Variants in UGT1A9 observed in about 807,000 individuals in gnomAD.
UGT1A9 encodes the protein UDP-glucuronosyltransferase 1A9.
Under a neutral mutation model 45.0 loss-of-function variants are expected in UGT1A9, and 35 were observed. The ratio of observed to expected loss-of-function variants is 0.78; its 90% CI spans 0.59 to 1.03. The LOEUF is 1.03. Ranked by LOEUF, UGT1A9 falls within the 50% of genes least tolerant of loss-of-function variation. The pLI is 0.00. For synonymous variants in UGT1A9, 278 were observed against 250.6 expected (o/e 1.11, Z -1.03); for missense variants, 687 against 666.6 (o/e 1.03, Z -0.34).
chr2:233,686,792 A>C (rs1490044288), intron 1 of UGT1A9, among the ~76,000 whole-genome samples: 2 of 149,062 alleles, frequency 1.3e-5, no homozygotes, highest in African/African-American at 5.0e-5. Context: ...TCCTCTTTCC[A>C]CCTCCCCTGT....
At position 233,715,197 on chromosome 2, in the gene UGT1A9, C is replaced by T. The variant is rs534544158; in HGVS notation, c.855+42408C>T. 7.9e-5 allele frequency among the ~76,000 whole-genome samples: 12 copies of T among 152,300 alleles called. No individual in the cohort carries two copies. The South Asian group carries it at 2.5e-3, about 32-fold the overall frequency. ...CACCACACCTAGGCAATTTTTCTAT[C>T]TTTTAAAAGACCCTCTACTGAATCT... is the stretch of plus-strand genomic sequence containing the variant. On this transcript the variant is annotated intron_variant, in intron 1 of 4. Coordinates refer to ENST00000354728, the MANE Select transcript of UGT1A9 (RefSeq NM_021027.3).
At chr2:233,724,339 G>T (rs2077227774) in intron 1 of UGT1A9, among the ~76,000 whole-genome samples, 3 of 142,760 alleles carry the variant, frequency 2.1e-5, no homozygotes, top group Non-Finnish European at 3.1e-5. Context: ...GCGGGGGGCT[G>T]ACCCCCCCCA....
At chr2:233,767,192 A>C (rs752013731) in intron 2 of UGT1A9, 27 bp downstream of exon 2, 1 of 1,613,796 alleles carries the variant, frequency 6.2e-7, no homozygotes, top group African/African-American at 1.3e-5. Context: ...CCATGGCCTC[A>C]TATCTATTTT....
intron 1 of UGT1A9, among the ~76,000 whole-genome samples, chr2:233,766,114 G>A (rs1214540183): frequency 6.6e-6 from 1 of 152,178 alleles, no homozygotes; most frequent in Non-Finnish European, 1.5e-5. Flanking sequence ...CTGGGGGCTT[G>A]CCTTGGTGTA....
At chr2:233,748,984 C>T (rs1315447738) in intron 1 of UGT1A9, among the ~76,000 whole-genome samples, 18 of 151,726 alleles carry the variant, frequency 1.2e-4, no homozygotes, top group Non-Finnish European at 2.1e-4. Context: ...TACTTCTTTA[C>T]CAACAATTTC....
chr2:233,679,549 T>C (rs1217700310), intron 1 of UGT1A9, among the ~76,000 whole-genome samples: 1 of 152,190 alleles, frequency 6.6e-6, no homozygotes, highest in Non-Finnish European at 1.5e-5. Context: ...TGTCATCTTT[T>C]TTTTTGTTTG....
intron 1 of UGT1A9, among the ~76,000 whole-genome samples, chr2:233,680,859 A>G (rs1194206807): frequency 6.6e-6 from 1 of 152,102 alleles, no homozygotes; most frequent in Non-Finnish European, 1.5e-5. Flanking sequence ...ACAGCTCATT[A>G]GAGTGCTTGG....
At chr2:233,690,435 T>C (rs1318096136) in intron 1 of UGT1A9, 15 of 1,270,026 alleles carry the variant, frequency 1.2e-5, no homozygotes, top group Non-Finnish European at 1.5e-5. Context: ...CATCTTTGGG[T>C]CTCTCCTCTA....
chr2:233,708,981 C>T (rs1463866710), intron 1 of UGT1A9, among the ~76,000 whole-genome samples: 1 of 152,110 alleles, frequency 6.6e-6, no homozygotes, highest in African/African-American at 2.4e-5. Context: ...TCTGTTTCCT[C>T]GGCCGTGGCA....
Position 233,772,785 on chromosome 2 carries a change from G to C in UGT1A9, c.*226G>C, listed in dbSNP as rs2126067599. ...GTGCCCCCTCTGGTGTCTTTGATCA[G>C]GATGACATGTGCCATTTTTCAGAGG... is the stretch of plus-strand genomic sequence containing the variant. On this transcript the variant is annotated 3_prime_UTR_variant, in exon 5 of 5. Transcript: ENST00000354728. 1 of 1,262,930 alleles carries C rather than the reference G, an allele frequency of 7.9e-7. No homozygotes were observed. The highest frequency in any genetic ancestry group is 1.0e-6 in the Non-Finnish European group (1 of 955,160). 78.2% of individuals were successfully genotyped at this position (1,262,930 alleles called of 1,614,324 possible).
chr2:233,721,961 A>G (rs2076983118), intron 1 of UGT1A9: 1 of 312,750 alleles, frequency 3.2e-6, no homozygotes, highest in Admixed American at 3.8e-5. Flanking sequence ...TTGTATATGC[A>G]TACATTGATG....
At position 233,772,584 on chromosome 2, in the gene UGT1A9, A is replaced by T; in HGVS notation, c.*25A>T. 6.2e-7 allele frequency: 1 copy of T among 1,604,676 alleles called. No homozygotes were observed. The highest frequency in any genetic ancestry group is 8.5e-7 in the Non-Finnish European group (1 of 1,174,986). On this transcript the variant is annotated 3_prime_UTR_variant, in exon 5 of 5. Transcript: ENST00000354728. ...AGAAGTGGGTGGGAAATAAGGTAAAATTTTGAACCATTCCCTAGTCATTTC... is the reference window on the plus strand; with the variant it reads ...AGAAGTGGGTGGGAAATAAGGTAAATTTTTGAACCATTCCCTAGTCATTTC...
intron 1 of UGT1A9, among the ~76,000 whole-genome samples, chr2:233,688,403 T>C (rs1229313639): frequency 6.6e-6 from 1 of 152,250 alleles, no homozygotes; most frequent in Non-Finnish European, 1.5e-5. Context: ...TGTTCTAATT[T>C]TCGAGCCCAT....
At chr2:233,743,086 T>C (rs926867030) in intron 1 of UGT1A9, 1 of 346,580 alleles carries the variant, frequency 2.9e-6, no homozygotes, top group African/African-American at 2.2e-5. Context: ...GAAGTGTTTA[T>C]AAATTCTTGG....
In UGT1A9 at chr2:233,759,136, T is replaced by C. The variant is rs1257027587; in HGVS notation, c.856-7898T>C. 2.6e-5 allele frequency among the ~76,000 whole-genome samples: 4 copies of C among 152,326 alleles called. No individual in the cohort carries two copies. In the East Asian group the frequency reaches 7.7e-4, roughly 29 times the overall value. ...GGGAGTTACAGCCTCTGGTACGCAA[T>C]GAAGGTGAGTTCCACAGAACACAAG... On this transcript the variant is annotated intron_variant, in intron 1 of 4. Transcript: ENST00000354728.
chr2:233,760,221 A>C, intron 1 of UGT1A9: 4 of 1,592,732 alleles, frequency 2.5e-6, no homozygotes, highest in Non-Finnish European at 3.4e-6. Flanking sequence ...TGGTGTATCG[A>C]TTGGTTTTTG....
At chr2:233,696,930 A>G (rs556497492) in intron 1 of UGT1A9, among the ~76,000 whole-genome samples, 1 of 152,268 alleles carries the variant, frequency 6.6e-6, no homozygotes, top group Middle Eastern at 3.4e-3. Context: ...ATATCAATAA[A>G]TGCATCAGGA....
intron 1 of UGT1A9, among the ~76,000 whole-genome samples, chr2:233,746,235 C>A (rs565676121): frequency 6.6e-6 from 1 of 151,714 alleles, no homozygotes; most frequent in South Asian, 2.1e-4. Flanking sequence ...ATGCAAACTG[C>A]TAAAAGATAC....
At chr2:233,715,323 T>A (rs1156310417) in intron 1 of UGT1A9, among the ~76,000 whole-genome samples, 1 of 152,206 alleles carries the variant, frequency 6.6e-6, no homozygotes, top group Non-Finnish European at 1.5e-5. Context: ...TTATACATAG[T>A]GATTAGATTG....
Sources: gnomAD v4.1 joint callset for allele counts (sites outside exome capture counted in the v4.1 genomes callset) on GRCh38, gnomAD v4.1.1 for gene constraint, MANE v1.5 for transcripts, NCBI Gene and HGNC (gene_info 2026-07-23, HGNC 2026-07-21) for gene names.